Variants in TMEM248 observed in about 807,000 individuals in gnomAD.
TMEM248 encodes the protein UPF0458 protein C7orf42.
A neutral mutation model predicts 30.3 loss-of-function variants in TMEM248; 9 were observed. The ratio of observed to expected loss-of-function variants is 0.30; its 90% confidence interval spans 0.18 to 0.52. TMEM248 has a LOEUF of 0.52. TMEM248 is among the 20% of genes least tolerant of loss of function. TMEM248 has a pLI of 0.97. For missense variants in TMEM248, 338 were observed against 403.3 expected, an observed-to-expected ratio of 0.84 and a Z score of 1.39; for synonymous variants, 184 against 154.4, an observed-to-expected ratio of 1.19 and a Z score of -1.42.
chr7:66,923,070 G>T (rs1226529799), intron 1 of TMEM248, among the ~76,000 whole-genome samples: 1 of 152,186 alleles, frequency 6.6e-6, no homozygotes, highest in Non-Finnish European at 1.5e-5. Context: ...CAATAGGCTA[G>T]AAAATGTGGC....
At chr7:66,935,483 C>T (rs1791777281) in intron 1 of TMEM248, among the ~76,000 whole-genome samples, 1 of 151,400 alleles carries the variant, frequency 6.6e-6, no homozygotes, top group Admixed American at 6.6e-5. Context: ...GCGTCTGGCC[C>T]CATTTACTTT....
Position 66,945,115 on chromosome 7 carries a change from C to A in TMEM248, c.299C>A (p.Ser100Tyr), listed in dbSNP as rs774790594. The A allele has an allele frequency of 1.1e-5, 17 of 1,614,088 alleles. No homozygotes were observed. Among genetic ancestry groups the A allele is most frequent in the South Asian group, 3.3e-5 (3 of 91,084 alleles). The change falls in exon 3 of 7, where the codon TCC becomes TAC. Residue 100 changes from serine to tyrosine, a missense_variant. Physicochemically the swap from Ser to Tyr is moderately radical, Grantham distance 144. Transcript: ENST00000341567. ...TSGQARASTQ[S>Y]PQALEDSGPV... ...GGGCAGGCCCGAGCTTCCACCCAGT[C>A]CCCCCAGGCCCTGGAGGACTCGGGC...
chr7:66,928,775 ATT>A (rs34117237), intron 1 of TMEM248, among the ~76,000 whole-genome samples: 1 of 150,558 alleles, frequency 6.6e-6, no homozygotes. Flanking sequence ...TCTTAAAAAA[ATT>A]TTTTTTTTCC....
rs935182253 is a variant in TMEM248, at chr7:66,937,849, T to C, written c.-18-3999T>C. Among the ~76,000 whole-genome samples, 15 of 152,258 alleles carry C rather than the reference T, an allele frequency of 9.9e-5. No homozygotes were observed. In the East Asian group the frequency reaches 2.7e-3, roughly 27 times the overall value. ...CCTCAGTCTCCCGAGTAGCTGGGAT[T>C]ATAGGCATGCACCACCACACCTGGC... On this transcript the variant is annotated intron_variant, in intron 1 of 6. Transcript: ENST00000341567.
At position 66,957,899 on chromosome 7, in the gene TMEM248, T is replaced by C. The variant is rs1792439810; in HGVS notation, c.*2377T>C. ...CAACATTCACCTAAGCAAGTAATTC[T>C]TAAAGATCTTACAGAAACGCAGAGT... On this transcript the variant is annotated 3_prime_UTR_variant, in exon 7 of 7. Transcript: ENST00000341567. 1 of 152,246 alleles carries C rather than the reference T, an allele frequency of 6.6e-6. No homozygotes were observed. The highest frequency in any genetic ancestry group is 6.5e-5 in the Admixed American group (1 of 15,278). 9.4% of individuals were successfully genotyped at this position (152,246 alleles called of 1,614,324 possible).
chr7:66,954,339 C>T (rs1584419344), intron 6 of TMEM248, among the ~76,000 whole-genome samples: 2 of 141,880 alleles, frequency 1.4e-5, no homozygotes, highest in Admixed American at 1.4e-4. Context: ...TTGTTGTATT[C>T]TTATGTATTG....
chr7:66,935,705 G>C (rs1157581416), intron 1 of TMEM248, among the ~76,000 whole-genome samples: 1 of 152,040 alleles, frequency 6.6e-6, no homozygotes, highest in Non-Finnish European at 1.5e-5. Context: ...ATCGTGCCCA[G>C]CTAATTTTTA....
chr7:66,945,143 G>A lies in TMEM248; in HGVS notation c.327G>A (p.Pro109=), dbSNP rs540067694. The stretch of plus-strand genomic sequence containing the variant: ...CCCAGGCCCTGGAGGACTCGGGCCC[G>A]GTGAATATCTCAGTCTCAATCACCC... ...QSPQALEDSG[P]VNISVSITLT... is the part of the protein sequence containing the mutation. Residue 109 remains proline (P), a synonymous_variant, in exon 3 of 7, where the codon CCG becomes CCA. Transcript: ENST00000341567. 72 of 1,614,180 alleles carry A rather than the reference G, an allele frequency of 4.5e-5. 1 individual carries two copies. The South Asian group carries it at 5.5e-4, about 12-fold the overall frequency.
At chr7:66,944,887 C>G in intron 2 of TMEM248, 89 bp from the exon 3 acceptor site, 1 of 1,377,982 alleles carries the variant, frequency 7.3e-7, no homozygotes, top group Non-Finnish European at 1.0e-6. Flanking sequence ...TGATGTGCTG[C>G]GGTGCCACAC....
intron 1 of TMEM248, among the ~76,000 whole-genome samples, chr7:66,923,664 G>A (rs151271000): frequency 3.9e-4 from 60 of 152,182 alleles, no homozygotes; most frequent in Admixed American, 1.5e-3. Context: ...CTAGTTTCTC[G>A]TAGATTTCTG....
At chr7:66,930,873 GT>G (rs1273976182) in intron 1 of TMEM248, 3 of 152,730 alleles carry the variant, frequency 2.0e-5, no homozygotes, top group Admixed American at 1.3e-4. Flanking sequence ...ATGAAGGTGA[GT>G]TTCTGTCATT....
intron 1 of TMEM248, chr7:66,921,771 C>G (rs1237865807): frequency 3.3e-5 from 5 of 152,212 alleles, no homozygotes; most frequent in East Asian, 1.9e-4. Context: ...CGGGAAACAT[C>G]TTGGTCGTTT....
At chr7:66,944,190 C>T (rs1792037096) in intron 2 of TMEM248, among the ~76,000 whole-genome samples, 1 of 150,866 alleles carries the variant, frequency 6.6e-6, no homozygotes, top group Admixed American at 6.6e-5. Context: ...CTGCAACCTC[C>T]ACCTCCCAGG....
rs1024758761 is a variant in TMEM248 at position 66,948,110 on chromosome 7, C to A, written c.446-434C>A. Among the ~76,000 whole-genome samples the A allele has an allele frequency of 2.6e-5, 4 of 152,158 alleles. No individual in the cohort carries two copies. The South Asian group carries it at 8.3e-4, about 32-fold the overall frequency. On this transcript the variant is annotated intron_variant, in intron 3 of 6. Transcript: ENST00000341567. ...CACTTGCCTTTCTTAACTCTGAAAC[C>A]CTCTGACCTCTGTTTGTTCATATGT...
intron 1 of TMEM248, among the ~76,000 whole-genome samples, chr7:66,937,836 G>A (rs933065350): frequency 6.6e-6 from 1 of 151,934 alleles, no homozygotes; most frequent in Non-Finnish European, 1.5e-5. Flanking sequence ...TCAGTCTCCC[G>A]AGTAGCTGGG....
At chr7:66,924,786 T>TG (rs1791481360) in intron 1 of TMEM248, among the ~76,000 whole-genome samples, 1 of 152,084 alleles carries the variant, frequency 6.6e-6, no homozygotes. Flanking sequence ...CCTCGGTCAC[T>TG]GCAACCTTCG....
rs79546586 is a variant in TMEM248 at position 66,938,327 on chromosome 7, G to A, written c.-18-3521G>A. Among the ~76,000 whole-genome samples the A allele has an allele frequency of 5.9e-5, 9 of 151,984 alleles. No individual in the cohort carries two copies. In the East Asian group the frequency reaches 1.4e-3, roughly 23 times the overall value. ...ATTTCTTTTTATTTTTTATGTATCT[G>A]TTATAGGTTGGGCTTTCTTTATAGG... On this transcript the variant is annotated intron_variant, in intron 1 of 6. Transcript: ENST00000341567.
intron 6 of TMEM248, among the ~76,000 whole-genome samples, chr7:66,955,294 G>A (rs1014527127): frequency 2.0e-5 from 3 of 152,172 alleles, no homozygotes; most frequent in Non-Finnish European, 4.4e-5. Context: ...TTCTGTCTCC[G>A]CACAGTGGTT....
intron 2 of TMEM248, among the ~76,000 whole-genome samples, chr7:66,944,174 C>T (rs1792036752): frequency 6.7e-6 from 1 of 148,596 alleles, no homozygotes; most frequent in African/African-American, 2.5e-5. Flanking sequence ...GCACGATCTC[C>T]TCTCACTGCA....
Sources: gnomAD v4.1 joint callset for allele counts (sites outside exome capture counted in the v4.1 genomes callset) on GRCh38, gnomAD v4.1.1 for gene constraint, MANE v1.5 for transcripts, NCBI Gene and HGNC (gene_info 2026-07-23, HGNC 2026-07-21) for gene names.